GRM7: variants seen among roughly 807,000 people sequenced by gnomAD.
The protein encoded by GRM7 is metabotropic glutamate receptor 7.
In GRM7, 35 loss-of-function variants were observed where a neutral mutation model predicts 84.5. The observed-to-expected ratio is 0.41, with a 90% CI of 0.32 to 0.55. GRM7 has a LOEUF of 0.55. GRM7 is among the 20% of genes least tolerant of loss of function. The pLI is 0.19. For missense variants in GRM7, 1,003 were observed against 1,194.6 expected (o/e 0.84, Z 2.36); for synonymous variants, 487 against 455.1 (o/e 1.07, Z -0.89).
intron 1 of GRM7, among the ~76,000 whole-genome samples, chr3:6,981,173 T>C (rs559460537): frequency 2.4e-4 from 36 of 152,224 alleles, no homozygotes; most frequent in Non-Finnish European, 4.7e-4. Flanking sequence ...GATTTCTGGG[T>C]TGCATCTTTT....
intron 2 of GRM7, among the ~76,000 whole-genome samples, chr3:7,177,798 T>C (rs1261135095): frequency 6.6e-6 from 1 of 152,228 alleles, no homozygotes; most frequent in African/African-American, 2.4e-5. Flanking sequence ...AACACTTTCT[T>C]ATCATTACCT....
At chr3:6,985,335 A>G (rs1006529993) in intron 1 of GRM7, among the ~76,000 whole-genome samples, 1 of 151,668 alleles carries the variant, frequency 6.6e-6, no homozygotes, top group Non-Finnish European at 1.5e-5. Context: ...TTTTGTACCC[A>G]TTAACCATCT....
intron 2 of GRM7, among the ~76,000 whole-genome samples, chr3:7,271,426 G>T (rs1698851336): frequency 6.6e-6 from 1 of 151,894 alleles, no homozygotes; most frequent in Admixed American, 6.6e-5. Flanking sequence ...GGGCGTGGTG[G>T]CGGGCGCCTG....
At position 7,217,782 on chromosome 3, in the gene GRM7, T is replaced by C. The variant is rs546133521; in HGVS notation, c.736+71114T>C. ...TTCTTACACTGAAAGATAACCATTGTTCATATTGACATAGGGATATGGATA... is the reference window on the plus strand; with the variant it reads ...TTCTTACACTGAAAGATAACCATTGCTCATATTGACATAGGGATATGGATA... On this transcript the variant is annotated intron_variant, in intron 2 of 9. Coordinates refer to ENST00000357716, the MANE Select transcript of GRM7 (RefSeq NM_000844.4). Among the ~76,000 whole-genome samples the C allele has an allele frequency of 2.6e-5, 4 of 151,028 alleles. No individual in the cohort carries two copies. The South Asian group carries it at 8.3e-4, about 31-fold the overall frequency.
chr3:7,109,107 GA>G (rs1692756505), intron 1 of GRM7, among the ~76,000 whole-genome samples: 1 of 152,028 alleles, frequency 6.6e-6, no homozygotes, highest in Non-Finnish European at 1.5e-5. Context: ...AGGCTGATAT[GA>G]AATGAGAAGA....
chr3:7,098,458 T>A (rs2125016710), intron 1 of GRM7, among the ~76,000 whole-genome samples: 1 of 152,134 alleles, frequency 6.6e-6, no homozygotes, highest in South Asian at 2.1e-4. Flanking sequence ...ATAATGCTAT[T>A]AAGAAATGTC....
At chr3:7,062,786 T>G (rs2124971736) in intron 1 of GRM7, among the ~76,000 whole-genome samples, 1 of 151,912 alleles carries the variant, frequency 6.6e-6, no homozygotes, top group East Asian at 1.9e-4. Flanking sequence ...CTTAAAAATT[T>G]GGGCGATTCT....
intron 4 of GRM7, among the ~76,000 whole-genome samples, chr3:7,340,993 T>C (rs1269605571): frequency 6.6e-6 from 1 of 152,092 alleles, no homozygotes; most frequent in African/African-American, 2.4e-5. Flanking sequence ...CAGCTTCCTG[T>C]AGCTAAGAGG....
rs188551444 is a variant in GRM7 at position 7,538,859 on chromosome 3, T to C, written c.1516-39563T>C. ...AGTGAACAGATGCCAGATAAACTTA[T>C]GTTATTAAGCAGGTTATCAGAATAG... On this transcript the variant is annotated intron_variant, in intron 7 of 9. Coordinates refer to ENST00000357716, the MANE Select transcript of GRM7 (RefSeq NM_000844.4). Among the ~76,000 whole-genome samples, 3 of 152,310 alleles carry C rather than the reference T, an allele frequency of 2.0e-5. No individual in the cohort carries two copies. In the East Asian group the frequency reaches 5.8e-4, roughly 29 times the overall value.
intron 1 of GRM7, among the ~76,000 whole-genome samples, chr3:6,880,321 T>C (rs1174788393): frequency 6.6e-6 from 1 of 152,176 alleles, no homozygotes; most frequent in Non-Finnish European, 1.5e-5. Context: ...TACATAATTA[T>C]ACAACCCCCT....
chr3:7,263,713 G>A (rs564553542), intron 2 of GRM7, among the ~76,000 whole-genome samples: 7 of 152,258 alleles, frequency 4.6e-5, no homozygotes, highest in South Asian at 2.1e-4. Context: ...GCCTAGTTTC[G>A]TGCTGGTAGC....
chr3:7,730,076 T>C (rs571218350), intron 9 of GRM7, among the ~76,000 whole-genome samples: 10 of 149,460 alleles, frequency 6.7e-5, no homozygotes, highest in African/African-American at 2.5e-4. Flanking sequence ...GGTTTCACCA[T>C]GTTGGACAGG....
intron 3 of GRM7, among the ~76,000 whole-genome samples, chr3:7,306,142 TAAAAC>T (rs1050346100): frequency 1.6e-4 from 24 of 152,172 alleles, no homozygotes; most frequent in African/African-American, 5.8e-4. Context: ...CCAAAACTCT[TAAAAC>T]AAAACAAACA....
At chr3:7,502,332 T>C (rs1475421119) in intron 7 of GRM7, among the ~76,000 whole-genome samples, 1 of 152,182 alleles carries the variant, frequency 6.6e-6, no homozygotes, top group Non-Finnish European at 1.5e-5. Context: ...CCTAAAAATA[T>C]CACACTTAGA....
At chr3:6,950,369 T>C (rs1022183395) in intron 1 of GRM7, among the ~76,000 whole-genome samples, 2 of 152,148 alleles carry the variant, frequency 1.3e-5, no homozygotes, top group East Asian at 3.9e-4. Context: ...TGCAGAACAG[T>C]GGATATTGGT....
At chr3:7,150,069 ATGTG>A (rs143326868) in intron 2 of GRM7, among the ~76,000 whole-genome samples, 11 of 143,484 alleles carry the variant, frequency 7.7e-5, no homozygotes, top group South Asian at 4.5e-4. Flanking sequence ...GTATACATAT[ATGTG>A]TGTGTGTGTG....
intron 1 of GRM7, among the ~76,000 whole-genome samples, chr3:6,906,435 ATAT>A (rs1036660205): frequency 6.6e-6 from 1 of 152,168 alleles, no homozygotes; most frequent in African/African-American, 2.4e-5. Flanking sequence ...CTGTGAAATA[ATAT>A]TATACTCAGA....
At chr3:7,726,653 ATATATATATATAG>A (rs1702143590) in intron 9 of GRM7, among the ~76,000 whole-genome samples, 1 of 93,962 alleles carries the variant, frequency 1.1e-5, no homozygotes, top group Non-Finnish European at 2.1e-5. Flanking sequence ...ATATATATAT[ATATATATATATAG>A]GTTTTCCCCA....
chr3:7,666,232 G>C (rs1699694713), intron 8 of GRM7, among the ~76,000 whole-genome samples: 1 of 152,194 alleles, frequency 6.6e-6, no homozygotes, highest in African/African-American at 2.4e-5. Flanking sequence ...AATGAGTTAG[G>C]AGAACTGAAG....
Sources: allele counts gnomAD v4.1 joint callset (sites outside exome capture counted in the v4.1 genomes callset), GRCh38; gene constraint gnomAD v4.1.1; transcripts MANE v1.5; gene names NCBI Gene and HGNC (gene_info 2026-07-23, HGNC 2026-07-21).